The following RALGPS2 variants were observed in gnomAD, a reference collection of about 807,000 sequenced individuals.
RALGPS2 encodes the protein Ral GEF with PH domain and SH3 binding motif 2.
Under a neutral mutation model 86.8 loss-of-function variants are expected in RALGPS2, and 43 were observed. The observed-to-expected ratio is 0.50, with a 90% CI of 0.39 to 0.64. The LOEUF (loss-of-function observed/expected upper bound fraction) is 0.64. Ranked by LOEUF, RALGPS2 falls within the 30% of genes least tolerant of loss-of-function variation. The pLI, the probability that RALGPS2 is intolerant of heterozygous loss-of-function variation, is 0.00. For missense variants in RALGPS2, 536 were observed against 694.6 expected, an observed-to-expected ratio of 0.77 and a Z score of 2.57; for synonymous variants, 243 against 231.3, an observed-to-expected ratio of 1.05 and a Z score of -0.46.
intron 2 of RALGPS2, among the ~76,000 whole-genome samples, chr1:178,783,332 T>C (rs1300257759): frequency 6.8e-6 from 1 of 146,956 alleles, no homozygotes; most frequent in Non-Finnish European, 1.5e-5. Flanking sequence ...AAAGAGAAAA[T>C]AGAATGAAAA....
intron 6 of RALGPS2, among the ~76,000 whole-genome samples, chr1:178,814,853 C>T (rs1404427074): frequency 9.9e-5 from 15 of 152,186 alleles, no homozygotes; most frequent in Admixed American, 9.8e-4. Flanking sequence ...ATCCATGTCA[C>T]CATCTGATAT....
intron 8 of RALGPS2, among the ~76,000 whole-genome samples, chr1:178,837,923 G>T (rs1447691307): frequency 6.6e-6 from 1 of 152,196 alleles, no homozygotes; most frequent in African/African-American, 2.4e-5. Flanking sequence ...ACAGAGCCTT[G>T]TTCATTGCTA....
At chr1:178,838,215 C>A (rs770556241) in intron 8 of RALGPS2, among the ~76,000 whole-genome samples, 3 of 152,226 alleles carry the variant, frequency 2.0e-5, no homozygotes, top group Admixed American at 2.0e-4. Context: ...TGAGAACAGA[C>A]AGGCTGCCTC....
chr1:178,799,399 T>C (rs891036526), intron 4 of RALGPS2, among the ~76,000 whole-genome samples: 1 of 151,988 alleles, frequency 6.6e-6, no homozygotes, highest in African/African-American at 2.4e-5. Flanking sequence ...AAAGGACATA[T>C]ATTAGCAAGG....
At chr1:178,883,660 A>G in intron 11 of RALGPS2, 127 bp downstream of exon 11, 2 of 774,326 alleles carry the variant, frequency 2.6e-6, no homozygotes, top group Admixed American at 2.9e-5. Flanking sequence ...TGATATTAAA[A>G]TCTGTCCTTT....
chr1:178,785,645 A>G (rs754062450), intron 4 of RALGPS2, 38 bp downstream of exon 4: 9 of 1,536,464 alleles, frequency 5.9e-6, no homozygotes, highest in Non-Finnish European at 7.0e-6. Flanking sequence ...AAATATAGAA[A>G]ACGATCAATC....
At chr1:178,837,917 AGCCTT>A (rs1656362705) in intron 8 of RALGPS2, among the ~76,000 whole-genome samples, 1 of 152,174 alleles carries the variant, frequency 6.6e-6, no homozygotes, top group South Asian at 2.1e-4. Context: ...ACGCCCACAG[AGCCTT>A]GTTCATTGCT....
intron 8 of RALGPS2, among the ~76,000 whole-genome samples, chr1:178,841,264 A>C (rs1363423032): frequency 6.6e-6 from 1 of 151,692 alleles, no homozygotes; most frequent in Non-Finnish European, 1.5e-5. Flanking sequence ...AAATACTGGC[A>C]AACCGAATCC....
At chr1:178,780,623 C>G (rs1011572752) in intron 2 of RALGPS2, among the ~76,000 whole-genome samples, 2 of 152,152 alleles carry the variant, frequency 1.3e-5, no homozygotes, top group Non-Finnish European at 2.9e-5. Flanking sequence ...ACTTAACAGT[C>G]TAATGAGAGA....
chr1:178,834,325 C>A (rs147456951), intron 8 of RALGPS2, among the ~76,000 whole-genome samples: 1 of 152,048 alleles, frequency 6.6e-6, no homozygotes, highest in Non-Finnish European at 1.5e-5. Flanking sequence ...CTCCCCACCC[C>A]CCAGATTTTG....
chr1:178,814,665 G>A (rs1655143663), intron 6 of RALGPS2, among the ~76,000 whole-genome samples: 1 of 151,878 alleles, frequency 6.6e-6, no homozygotes, highest in South Asian at 2.1e-4. Context: ...GCCCAGGCTG[G>A]TCTTGAACTC....
At chr1:178,728,664 G>A (rs1650167637) in intron 1 of RALGPS2, among the ~76,000 whole-genome samples, 1 of 151,968 alleles carries the variant, frequency 6.6e-6, no homozygotes, top group African/African-American at 2.4e-5. Flanking sequence ...GAAAATGAAT[G>A]TATTGCATTA....
At chr1:178,814,222 GTTAC>G (rs1406694599) in intron 6 of RALGPS2, among the ~76,000 whole-genome samples, 2 of 152,182 alleles carry the variant, frequency 1.3e-5, no homozygotes, top group African/African-American at 2.4e-5. Flanking sequence ...ACTCAGCAGT[GTTAC>G]TTAATGGTTT....
At chr1:178,853,594 C>G (rs1657327460) in intron 8 of RALGPS2, 3 of 1,592,742 alleles carry the variant, frequency 1.9e-6, no homozygotes, top group East Asian at 2.3e-5. Flanking sequence ...ACTGATTTAC[C>G]TTATAATTTT....
chr1:178,833,194 T>C (rs1239059636), intron 7 of RALGPS2, among the ~76,000 whole-genome samples: 1 of 152,054 alleles, frequency 6.6e-6, no homozygotes. Context: ...TTATAATTTA[T>C]TACTTAGTTA....
chr1:178,798,369 C>T (rs1448431984), intron 4 of RALGPS2, among the ~76,000 whole-genome samples: 1 of 152,218 alleles, frequency 6.6e-6, no homozygotes, highest in Admixed American at 6.5e-5. Flanking sequence ...TCCACATGAG[C>T]AGTTCCTGTC....
chr1:178,789,747 T>G (rs1653857634), intron 4 of RALGPS2, among the ~76,000 whole-genome samples: 2 of 152,202 alleles, frequency 1.3e-5, no homozygotes, highest in Non-Finnish European at 2.9e-5. Flanking sequence ...TTGATTTGCT[T>G]GCCTCTCCAC....
chr1:178,848,385 C>T (rs1051794960), intron 8 of RALGPS2, among the ~76,000 whole-genome samples: 5 of 152,060 alleles, frequency 3.3e-5, no homozygotes, highest in African/African-American at 1.2e-4. Context: ...GTAGTTCAGT[C>T]TTACTGAAGA....
intron 17 of RALGPS2, among the ~76,000 whole-genome samples, chr1:178,899,797 G>GA (rs1372446494): frequency 6.6e-6 from 1 of 151,676 alleles, no homozygotes; most frequent in African/African-American, 2.4e-5. Context: ...GGGACAGGAG[G>GA]ACTGTTCTAG....
Sources: gnomAD v4.1 joint callset for allele counts (sites outside exome capture counted in the v4.1 genomes callset) on GRCh38, gnomAD v4.1.1 for gene constraint, MANE v1.5 for transcripts, NCBI Gene and HGNC (gene_info 2026-07-23, HGNC 2026-07-21) for gene names.